The following NFIA variants were observed in gnomAD, a reference collection of about 807,000 sequenced individuals.
NFIA encodes the protein nuclear factor 1 A-type.
NFIA carries 8 observed loss-of-function variants against 62.8 expected under a neutral mutation model. That is an observed-to-expected ratio of 0.13 (90% CI 0.07 to 0.23). The LOEUF (loss-of-function observed/expected upper bound fraction) is 0.23. NFIA is among the 10% of genes least tolerant of loss of function. The pLI is 1.00. For missense variants in NFIA, 410 were observed against 642.1 expected (o/e 0.64, Z 3.91); for synonymous variants, 235 against 238.1 (o/e 0.99, Z 0.12).
At chr1:61,370,759 A>G (rs1195269474) in intron 6 of NFIA, among the ~76,000 whole-genome samples, 1 of 152,184 alleles carries the variant, frequency 6.6e-6, no homozygotes, top group African/African-American at 2.4e-5. Context: ...ATTTATTCAG[A>G]CAATACTCCC....
chr1:61,425,711 C>A lies in NFIA; in HGVS notation c.1421-754C>A, dbSNP rs137921973. ...AGAAAGAAGCTCTTAAGTACAGATA[C>A]AAAAACCAACAACAAAACTTCCATG... On this transcript the variant is annotated intron_variant, in intron 9 of 10. Transcript: ENST00000403491. 4.8e-4 allele frequency among the ~76,000 whole-genome samples: 73 copies of A among 152,244 alleles called. No individual in the cohort carries two copies. The East Asian group carries it at 0.013, about 27-fold the overall frequency.
intron 3 of NFIA, among the ~76,000 whole-genome samples, chr1:61,321,492 G>A (rs376068278): frequency 6.6e-6 from 1 of 152,046 alleles, no homozygotes; most frequent in Non-Finnish European, 1.5e-5. Context: ...CTGGAAGAGA[G>A]AAAATTAGGT....
intron 9 of NFIA, among the ~76,000 whole-genome samples, chr1:61,418,741 T>A (rs1173022569): frequency 1.3e-5 from 2 of 152,224 alleles, no homozygotes; most frequent in African/African-American, 4.8e-5. Flanking sequence ...GTAATGAACA[T>A]CTTGTAGCAT....
At chr1:61,443,535 T>G (rs1252552551) in intron 10 of NFIA, among the ~76,000 whole-genome samples, 2 of 152,202 alleles carry the variant, frequency 1.3e-5, no homozygotes, top group African/African-American at 4.8e-5. Context: ...ATGCAGCTGC[T>G]GAATCTGGGT....
intron 2 of NFIA, among the ~76,000 whole-genome samples, chr1:61,107,013 C>T (rs1051595651): frequency 2.0e-5 from 3 of 151,264 alleles, no homozygotes; most frequent in African/African-American, 7.3e-5. Flanking sequence ...TTTCACTCTA[C>T]AATATGTTCA....
chr1:61,374,099 A>T (rs1340921113), intron 6 of NFIA, among the ~76,000 whole-genome samples: 1 of 152,200 alleles, frequency 6.6e-6, no homozygotes, highest in African/African-American at 2.4e-5. Context: ...AGTAGCTACC[A>T]TATTGGGCAG....
chr1:61,113,591 T>C (rs756029980), intron 2 of NFIA, among the ~76,000 whole-genome samples: 1,295 of 78,178 alleles, frequency 0.017, 9 homozygotes, highest in South Asian at 0.032. Context: ...TGAAACTCCA[T>C]CTCAGAAAAA....
chr1:61,327,475 T>C (rs1661014031), intron 3 of NFIA, among the ~76,000 whole-genome samples: 1 of 152,076 alleles, frequency 6.6e-6, no homozygotes, highest in East Asian at 1.9e-4. Context: ...TGCACACCCA[T>C]AGCTTAACTT....
intron 2 of NFIA, among the ~76,000 whole-genome samples, chr1:61,101,877 G>T (rs1205961622): frequency 1.3e-5 from 2 of 152,162 alleles, no homozygotes; most frequent in African/African-American, 4.8e-5. Context: ...CAATGTGTGT[G>T]GATGGTGATA....
intron 3 of NFIA, among the ~76,000 whole-genome samples, chr1:61,315,605 G>C (rs1046695074): frequency 2.6e-5 from 4 of 152,134 alleles, no homozygotes; most frequent in Admixed American, 2.6e-4. Flanking sequence ...TAAAGTATCA[G>C]AATGATTAGA....
At chr1:61,184,315 C>T (rs112976687) in intron 2 of NFIA, among the ~76,000 whole-genome samples, 5 of 152,322 alleles carry the variant, frequency 3.3e-5, no homozygotes, top group Non-Finnish European at 4.4e-5. Context: ...GCCAATCAGC[C>T]GGCAGTGCCA....
chr1:61,368,424 A>T (rs1466839049), intron 6 of NFIA, among the ~76,000 whole-genome samples: 1 of 152,244 alleles, frequency 6.6e-6, no homozygotes, highest in African/African-American at 2.4e-5. Context: ...AATAGAATGT[A>T]TTTTAAAGAG....
intron 8 of NFIA, 76 bp downstream of exon 8, chr1:61,404,358 T>C: frequency 7.2e-7 from 1 of 1,388,172 alleles, no homozygotes; most frequent in Non-Finnish European, 9.7e-7. Flanking sequence ...GACCTTATGA[T>C]CATGTGACGT....
At chr1:61,184,076 ATC>A (rs1650946376) in intron 2 of NFIA, among the ~76,000 whole-genome samples, 1 of 147,134 alleles carries the variant, frequency 6.8e-6, no homozygotes, top group Non-Finnish European at 1.5e-5. Context: ...GTTGTGAGAA[ATC>A]TGTTTCTACT....
intron 2 of NFIA, among the ~76,000 whole-genome samples, chr1:61,261,600 G>A (rs1183790764): frequency 2.0e-5 from 3 of 152,038 alleles, no homozygotes; most frequent in South Asian, 2.1e-4. Flanking sequence ...ATCATAAGTC[G>A]AAGTGCATCT....
intron 2 of NFIA, among the ~76,000 whole-genome samples, chr1:61,103,541 G>T (rs186712813): frequency 1.3e-3 from 193 of 152,184 alleles, no homozygotes; most frequent in African/African-American, 4.3e-3. Flanking sequence ...TTCTGAGCAG[G>T]GACTGGGTTG....
chr1:61,260,131 G>A (rs908713799), intron 2 of NFIA, among the ~76,000 whole-genome samples: 9 of 152,198 alleles, frequency 5.9e-5, no homozygotes, highest in Non-Finnish European at 1.2e-4. Context: ...AATTTAGGTC[G>A]CAGACGTCTT....
intron 4 of NFIA, among the ~76,000 whole-genome samples, chr1:61,344,856 A>T (rs1399456882): frequency 6.6e-6 from 1 of 152,208 alleles, no homozygotes. Flanking sequence ...AATTTTTTCC[A>T]TCATCCTCTC....
At chr1:61,314,475 AAAT>A (rs1216291486) in intron 3 of NFIA, among the ~76,000 whole-genome samples, 4 of 152,204 alleles carry the variant, frequency 2.6e-5, no homozygotes, top group Admixed American at 6.5e-5. Context: ...TTATAAAAGT[AAAT>A]AATAAGCTAT....
Sources: allele counts gnomAD v4.1 joint callset (sites outside exome capture counted in the v4.1 genomes callset), GRCh38; gene constraint gnomAD v4.1.1; transcripts MANE v1.5; gene names NCBI Gene and HGNC (gene_info 2026-07-23, HGNC 2026-07-21).